IMPG1: variants seen among roughly 807,000 people sequenced by gnomAD.
IMPG1 encodes interphotoreceptor matrix proteoglycan of 150 kDa.
Under a neutral mutation model 92.0 loss-of-function variants are expected in IMPG1, and 85 were observed. The observed-to-expected ratio is 0.92, with a 90% CI of 0.78 to 1.11. IMPG1 has a LOEUF of 1.11. Ranked by LOEUF, IMPG1 falls within the 50% of genes least tolerant of loss-of-function variation. The probability of loss-of-function intolerance (pLI) is 0.00; values close to 1 mark genes in which losing one functional copy is unlikely to be tolerated. For missense variants in IMPG1, 1,022 were observed against 956.0 expected, an observed-to-expected ratio of 1.07 and a Z score of -0.91; for synonymous variants, 367 against 334.1, an observed-to-expected ratio of 1.10 and a Z score of -1.08.
chr6:75,951,496 C>G (rs1406022525), intron 12 of IMPG1, among the ~76,000 whole-genome samples: 2 of 152,184 alleles, frequency 1.3e-5, no homozygotes, highest in East Asian at 1.9e-4. Flanking sequence ...GATCCCTCAT[C>G]CCCGTATAGA....
intron 1 of IMPG1, among the ~76,000 whole-genome samples, chr6:76,069,114 C>A (rs1784362369): frequency 6.6e-6 from 1 of 152,000 alleles, no homozygotes; most frequent in Non-Finnish European, 1.5e-5. Flanking sequence ...CAAAAATATA[C>A]ACTGGGGAAA....
At chr6:76,046,105 C>A (rs1488740685) in intron 1 of IMPG1, among the ~76,000 whole-genome samples, 2 of 152,020 alleles carry the variant, frequency 1.3e-5, no homozygotes, top group Non-Finnish European at 2.9e-5. Flanking sequence ...AAAAAAATAA[C>A]CACCTTTACT....
At chr6:76,031,466 C>T (rs1369055584) in intron 4 of IMPG1, among the ~76,000 whole-genome samples, 1 of 152,152 alleles carries the variant, frequency 6.6e-6, no homozygotes, top group Non-Finnish European at 1.5e-5. Flanking sequence ...CAGGCTCTGG[C>T]CAATCAGAAC....
intron 4 of IMPG1, among the ~76,000 whole-genome samples, chr6:76,033,508 TGAG>T (rs748216325): frequency 1.3e-5 from 2 of 152,206 alleles, no homozygotes; most frequent in African/African-American, 2.4e-5. Flanking sequence ...TTGTGCAAGT[TGAG>T]GAGAAGAGGT....
intron 1 of IMPG1, among the ~76,000 whole-genome samples, chr6:76,058,474 A>G (rs1229912157): frequency 6.6e-6 from 1 of 152,172 alleles, no homozygotes; most frequent in Non-Finnish European, 1.5e-5. Context: ...AGACTTGGCT[A>G]TTATTATTTT....
chr6:75,924,599 ATAAT>A (rs1160052405), intron 15 of IMPG1, among the ~76,000 whole-genome samples: 5 of 44,836 alleles, frequency 1.1e-4, no homozygotes, highest in African/African-American at 2.5e-4. Context: ...TATATTATAT[ATAAT>A]TAATTATATA....
intron 8 of IMPG1, among the ~76,000 whole-genome samples, chr6:76,009,408 C>T (rs774862554): frequency 1.3e-4 from 20 of 152,160 alleles, no homozygotes; most frequent in Non-Finnish European, 2.1e-4. Flanking sequence ...AGCTGGAGGA[C>T]AGTCAGTACC....
intron 12 of IMPG1, among the ~76,000 whole-genome samples, chr6:75,983,105 C>G (rs1269832704): frequency 1.3e-5 from 2 of 151,774 alleles, no homozygotes; most frequent in Non-Finnish European, 2.9e-5. Flanking sequence ...GGAACTATCT[C>G]AAATGATTAT....
intron 10 of IMPG1, 58 bp downstream of exon 10, chr6:76,005,229 C>T (rs2149477571): frequency 2.6e-6 from 4 of 1,555,080 alleles, no homozygotes; most frequent in East Asian, 2.3e-5. Flanking sequence ...GAGACATTCA[C>T]ATTCTTAGTC....
chr6:75,946,451 T>C (rs1205226230), intron 14 of IMPG1, among the ~76,000 whole-genome samples: 1 of 152,168 alleles, frequency 6.6e-6, no homozygotes, highest in African/African-American at 2.4e-5. Context: ...GGAAGCTTTG[T>C]TTTGAATTTG....
chr6:76,025,877 G>T (rs1409393975), intron 4 of IMPG1, among the ~76,000 whole-genome samples: 2 of 152,178 alleles, frequency 1.3e-5, no homozygotes, highest in Non-Finnish European at 2.9e-5. Flanking sequence ...AGGTCATGGT[G>T]GTAGAGCTAT....
At chr6:76,057,988 A>ATAAAC (rs1784148215) in intron 1 of IMPG1, among the ~76,000 whole-genome samples, 1 of 151,984 alleles carries the variant, frequency 6.6e-6, no homozygotes, top group South Asian at 2.1e-4. Context: ...ATAAAATAAA[A>ATAAAC]TAAAATAATA....
intron 1 of IMPG1, among the ~76,000 whole-genome samples, chr6:76,072,071 G>A (rs1357563031): frequency 6.6e-6 from 1 of 151,836 alleles, no homozygotes; most frequent in East Asian, 1.9e-4. Flanking sequence ...TTATCTTTAG[G>A]TTTTATTTGT....
At chr6:76,015,801 A>AG (rs1783276385) in intron 7 of IMPG1, among the ~76,000 whole-genome samples, 1 of 7,906 alleles carries the variant, frequency 1.3e-4, no homozygotes, top group South Asian at 6.5e-3. Flanking sequence ...ACTCTGTCTC[A>AG]AAAAAAAAAA....
At chr6:76,046,181 A>C (rs1166180641) in intron 1 of IMPG1, among the ~76,000 whole-genome samples, 1 of 152,196 alleles carries the variant, frequency 6.6e-6, no homozygotes, top group Non-Finnish European at 1.5e-5. Flanking sequence ...CTGGTATAGC[A>C]AACACCAAGC....
At chr6:75,925,582 T>C (rs960979439) in intron 15 of IMPG1, among the ~76,000 whole-genome samples, 8 of 152,102 alleles carry the variant, frequency 5.3e-5, no homozygotes, top group Non-Finnish European at 8.8e-5. Flanking sequence ...ATACCAGCAC[T>C]TTGGTAGGCT....
At chr6:75,971,343 C>T (rs1254097754) in intron 12 of IMPG1, among the ~76,000 whole-genome samples, 39 of 150,398 alleles carry the variant, frequency 2.6e-4, no homozygotes, top group African/African-American at 9.0e-4. Context: ...GGGGAGGGAT[C>T]GCACTGGGAG....
rs1431650932 is a variant in IMPG1, at chr6:75,974,364, TTTCTTTC to T, written c.1292-23277_1292-23271del. On this transcript the variant is annotated intron_variant, in intron 12 of 16. Transcript: ENST00000369950. Reference sequence around the variant, plus strand: ...CTTTCTTTCTTTCTTTCTTTCTTTCTTTCTTTCTTTCTTTCTTTCTTTCTTTCTTTTC... The same window carrying T: ...CTTTCTTTCTTTCTTTCTTTCTTTCTTTTCTTTCTTTCTTTCTTTCTTTTC... Among the ~76,000 whole-genome samples the T allele has an allele frequency of 1.8e-5, 2 of 113,770 alleles. 1 individual carries two copies. The highest frequency in any genetic ancestry group is 6.3e-5 in the African/African-American group (2 of 31,800). 74.6% of individuals were successfully genotyped at this position (113,770 alleles called of 152,430 possible).
At chr6:76,070,530 G>A (rs1784388484) in intron 1 of IMPG1, among the ~76,000 whole-genome samples, 1 of 152,110 alleles carries the variant, frequency 6.6e-6, no homozygotes, top group Non-Finnish European at 1.5e-5. Context: ...ATTTATTGCA[G>A]CACTATTACC....
Sources: gnomAD v4.1 joint callset for allele counts (sites outside exome capture counted in the v4.1 genomes callset) on GRCh38, gnomAD v4.1.1 for gene constraint, MANE v1.5 for transcripts, NCBI Gene and HGNC (gene_info 2026-07-23, HGNC 2026-07-21) for gene names.